Variants in CSMD1 observed in about 807,000 individuals in gnomAD.
The protein encoded by CSMD1 is CUB and sushi domain-containing protein 1.
A neutral mutation model predicts 417.5 loss-of-function variants in CSMD1; 213 were observed. The ratio of observed to expected loss-of-function variants is 0.51; its 90% CI spans 0.46 to 0.57. CSMD1 has a LOEUF of 0.57. CSMD1 is among the 20% of genes least tolerant of loss of function. CSMD1 has a pLI of 0.00. For missense variants in CSMD1, 6,923 were observed against 4,529.7 expected, an observed-to-expected ratio of 1.53 and a Z score of -15.17; for synonymous variants, 2,862 against 1,736.8, an observed-to-expected ratio of 1.65 and a Z score of -16.11.
intron 9 of CSMD1, among the ~76,000 whole-genome samples, chr8:3,575,346 G>A (rs1800108100): frequency 6.6e-6 from 1 of 152,080 alleles, no homozygotes; most frequent in South Asian, 2.1e-4. Flanking sequence ...ACAGCCTCAT[G>A]TGCAATGTCA....
In CSMD1 at chr8:4,815,608, A is replaced by T. The variant is rs1437645820; in HGVS notation, c.86-178050T>A. Among the ~76,000 whole-genome samples the T allele has an allele frequency of 6.0e-5, 9 of 150,946 alleles. No individual in the cohort carries two copies. In the South Asian group the frequency reaches 1.5e-3, roughly 25 times the overall value. On this transcript the variant is annotated intron_variant, in intron 1 of 69. Transcript: ENST00000635120. ...CTATTTGGGAGGCTGAGGCAGGAGA[A>T]GCGCTTGAACCCAGGAGATGAAGGT...
At chr8:4,448,136 A>T (rs1342968644) in intron 2 of CSMD1, among the ~76,000 whole-genome samples, 1 of 152,272 alleles carries the variant, frequency 6.6e-6, no homozygotes, top group Admixed American at 6.5e-5. Context: ...ACTTTTACCA[A>T]TGTGTATCGC....
At chr8:4,879,139 T>A (rs575710337) in intron 1 of CSMD1, among the ~76,000 whole-genome samples, 1 of 151,962 alleles carries the variant, frequency 6.6e-6, no homozygotes, top group Non-Finnish European at 1.5e-5. Flanking sequence ...AAACAAAATA[T>A]GGTGGCAGCT....
intron 23 of CSMD1, among the ~76,000 whole-genome samples, chr8:3,312,805 C>CAGTT (rs71530618): frequency 0.46 from 69,265 of 151,582 alleles, 16,503 homozygotes; most frequent in African/African-American, 0.54. Flanking sequence ...TTCTCAAAGG[C>CAGTT]AGTTAGACTT....
At chr8:3,775,365 A>G (rs1205143887) in intron 5 of CSMD1, among the ~76,000 whole-genome samples, 1 of 152,214 alleles carries the variant, frequency 6.6e-6, no homozygotes, top group Non-Finnish European at 1.5e-5. Flanking sequence ...CATCTAGCAG[A>G]CACAGCATAG....
intron 26 of CSMD1, among the ~76,000 whole-genome samples, chr8:3,245,223 T>G (rs1201168529): frequency 6.6e-6 from 1 of 152,212 alleles, no homozygotes; most frequent in East Asian, 1.9e-4. Context: ...TAGTTGTCCT[T>G]GAGTCCTCCC....
chr8:3,746,140 G>C (rs116785553), intron 6 of CSMD1, among the ~76,000 whole-genome samples: 1 of 152,210 alleles, frequency 6.6e-6, no homozygotes, highest in Non-Finnish European at 1.5e-5. Flanking sequence ...ATGAGACAGA[G>C]AACATGAAGA....
intron 49 of CSMD1, among the ~76,000 whole-genome samples, chr8:3,054,248 A>G (rs1812064543): frequency 6.6e-6 from 1 of 152,240 alleles, no homozygotes; most frequent in South Asian, 2.1e-4. Context: ...ATTCCCCAAT[A>G]AAATCCAAAC....
intron 2 of CSMD1, among the ~76,000 whole-genome samples, chr8:4,529,232 T>A (rs1283732917): frequency 2.0e-5 from 3 of 152,166 alleles, no homozygotes; most frequent in African/African-American, 7.2e-5. Flanking sequence ...AAGTCACTTG[T>A]CCCTTTCTTA....
In CSMD1 at chr8:3,946,156, C is replaced by G. The variant is rs1024909161; in HGVS notation, c.818+51747G>C. 7.2e-5 allele frequency among the ~76,000 whole-genome samples: 11 copies of G among 152,076 alleles called. No homozygotes were observed. The South Asian group carries it at 8.3e-4, about 11-fold the overall frequency. On this transcript the variant is annotated intron_variant, in intron 5 of 69. Transcript: ENST00000635120. ...TGATCTCACATAATCCCAATGCACC[C>G]TTTGAAATAAGATTATTACAAAGAA...
At chr8:4,717,354 CATATATACACACAT>C (rs1373571351) in intron 1 of CSMD1, among the ~76,000 whole-genome samples, 1 of 141,526 alleles carries the variant, frequency 7.1e-6, no homozygotes, top group Admixed American at 6.9e-5. Context: ...TATACACACA[CATATATACACACAT>C]ATATATACAC....
At position 3,396,220 on chromosome 8, in the gene CSMD1, C is replaced by G; in HGVS notation, c.2567G>C (p.Ser856Thr). 6.4e-7 allele frequency: 1 copy of G among 1,566,652 alleles called. No homozygotes were observed. The highest frequency in any genetic ancestry group is 8.7e-7 in the Non-Finnish European group (1 of 1,155,770). Residue 856 changes from serine (S) to threonine (T), a missense_variant, in exon 17 of 70, where the codon AGC becomes ACC. Transcript: ENST00000635120. Reference sequence around the variant, plus strand: ...CTCATAGTGGATGAGGAAGCCGATGCTGGAGCGGCTGTTGTCAGTGGTGAA... The same window carrying G: ...CTCATAGTGGATGAGGAAGCCGATGGTGGAGCGGCTGTTGTCAGTGGTGAA... ...LLFTTDNSRS[S>T]IGFLIHYESV... is the part of the protein sequence containing the mutation.
intron 3 of CSMD1, among the ~76,000 whole-genome samples, chr8:4,172,078 G>C (rs1016665526): frequency 6.6e-6 from 1 of 152,078 alleles, no homozygotes; most frequent in South Asian, 2.1e-4. Flanking sequence ...TTTCTCAGGG[G>C]AAGGCGTATC....
chr8:4,962,163 A>G (rs1809535201), intron 1 of CSMD1, among the ~76,000 whole-genome samples: 1 of 150,906 alleles, frequency 6.6e-6, no homozygotes, highest in Non-Finnish European at 1.5e-5. Flanking sequence ...GAAACACAAA[A>G]CAATAATATA....
intron 3 of CSMD1, among the ~76,000 whole-genome samples, chr8:4,271,273 G>C (rs569677244): frequency 2.0e-5 from 3 of 152,278 alleles, no homozygotes; most frequent in African/African-American, 7.2e-5. Flanking sequence ...AGCTGTAGGG[G>C]TTGGTGCCCT....
intron 26 of CSMD1, among the ~76,000 whole-genome samples, chr8:3,231,679 A>C (rs966647141): frequency 1.3e-5 from 2 of 152,192 alleles, no homozygotes; most frequent in Non-Finnish European, 2.9e-5. Context: ...AAAATGTTAA[A>C]CTGTGCAGAT....
At chr8:3,011,741 C>T (rs565224433) in intron 52 of CSMD1, among the ~76,000 whole-genome samples, 1 of 152,154 alleles carries the variant, frequency 6.6e-6, no homozygotes, top group Non-Finnish European at 1.5e-5. Context: ...AGGATGGGTT[C>T]TTATGTGCTG....
chr8:4,045,105 C>G (rs1798082497), intron 3 of CSMD1, among the ~76,000 whole-genome samples: 1 of 152,178 alleles, frequency 6.6e-6, no homozygotes, highest in Non-Finnish European at 1.5e-5. Context: ...CACAGGGAGA[C>G]ACTGAACATG....
chr8:3,197,609 G>C (rs6558730), intron 33 of CSMD1, among the ~76,000 whole-genome samples: 3 of 94,824 alleles, frequency 3.2e-5, no homozygotes, highest in African/African-American at 4.4e-5. Context: ...GGGACTACAG[G>C]TGCCCGCCAC....
Sources: gnomAD v4.1 joint callset for allele counts (sites outside exome capture counted in the v4.1 genomes callset) on GRCh38, gnomAD v4.1.1 for gene constraint, MANE v1.5 for transcripts, NCBI Gene and HGNC (gene_info 2026-07-23, HGNC 2026-07-21) for gene names.